Variants in ABCB10 observed in about 807,000 individuals in gnomAD.
ABCB10 encodes the protein ATP-binding cassette sub-family B member 10, mitochondrial.
ABCB10 carries 54 observed loss-of-function variants against 65.4 expected under a neutral mutation model. That is an observed-to-expected ratio of 0.83 (90% confidence interval 0.66 to 1.04). The LOEUF (loss-of-function observed/expected upper bound fraction) is 1.04, where lower values mean the gene tolerates loss of function less well. ABCB10 is among the 50% of genes least tolerant of loss of function. The pLI, the probability that ABCB10 is intolerant of heterozygous loss-of-function variation, is 0.00. For synonymous variants in ABCB10, 418 were observed against 406.5 expected (o/e 1.03, Z -0.34); for missense variants, 846 against 976.6 (o/e 0.87, Z 1.78).
chr1:229,518,789 G>T, intron 12 of ABCB10, 52 bp downstream of exon 12: 2 of 1,425,004 alleles, frequency 1.4e-6, no homozygotes, highest in South Asian at 2.6e-5. Context: ...TTTGGTGAAG[G>T]AAGAATTTGG....
intron 6 of ABCB10, among the ~76,000 whole-genome samples, chr1:229,536,861 G>A (rs1662732492): frequency 1.3e-5 from 2 of 151,916 alleles, no homozygotes; most frequent in African/African-American, 4.8e-5. Context: ...GGGGGCTGAG[G>A]TGAGAGGACT....
In ABCB10 at chr1:229,542,287, G is replaced by T. The variant is rs765986929; in HGVS notation, c.1006C>A (p.Leu336Ile). ...TGAGTGACTTTGGTCAGTTTCCGTA[G>T]ATATCGCCCATAAATTACAGCAATG... is the stretch of plus-strand genomic sequence containing the variant. Reference protein sequence around the residue: ...SIIAVIYGRYLRKLTKVTQDS... With the variant: ...SIIAVIYGRYIRKLTKVTQDS... The change falls in exon 4 of 13, where the codon CTA becomes ATA. Residue 336 changes from leucine (L) to isoleucine (I), a missense_variant. Coordinates refer to ENST00000344517, the MANE Select transcript of ABCB10 (RefSeq NM_012089.3). 6.2e-7 allele frequency: 1 copy of T among 1,614,086 alleles called. No homozygotes were observed. The highest frequency in any genetic ancestry group is 2.2e-5 in the East Asian group (1 of 44,868).
chr1:229,527,170 CA>C, intron 9 of ABCB10, 58 bp downstream of exon 9: 1 of 1,408,736 alleles, frequency 7.1e-7, no homozygotes, highest in Non-Finnish European at 9.7e-7. Flanking sequence ...AAAAAAAAAG[CA>C]AAAGACAAAA....
At chr1:229,547,776 G>A in intron 2 of ABCB10, 75 bp from the exon 3 acceptor site, 1 of 1,459,564 alleles carries the variant, frequency 6.9e-7, no homozygotes, top group East Asian at 2.3e-5. Flanking sequence ...CACTTACTGT[G>A]CAGCAGCTTG....
chr1:229,527,204 T>C (rs368332976), intron 9 of ABCB10, 25 bp downstream of exon 9: 1 of 1,548,564 alleles, frequency 6.5e-7, no homozygotes, highest in African/African-American at 1.4e-5. Context: ...GAAAGTGAAA[T>C]AGAAATGGAA....
chr1:229,550,871 A>AAAAAG (rs952754513), intron 1 of ABCB10, among the ~76,000 whole-genome samples: 3 of 152,202 alleles, frequency 2.0e-5, no homozygotes, highest in East Asian at 1.9e-4. Context: ...CTCAAAAAAA[A>AAAAAG]AAAAGAAAAG....
chr1:229,546,806 C>A (rs533325221), intron 3 of ABCB10, among the ~76,000 whole-genome samples: 1 of 152,056 alleles, frequency 6.6e-6, no homozygotes, highest in East Asian at 1.9e-4. Context: ...ATCACTTGAG[C>A]CCAGGAGTTT....
intron 3 of ABCB10, among the ~76,000 whole-genome samples, chr1:229,543,772 G>A (rs1452702539): frequency 6.6e-6 from 1 of 152,174 alleles, no homozygotes; most frequent in African/African-American, 2.4e-5. Context: ...AAAGGAGGTT[G>A]GCACCTTCAC....
At chr1:229,538,237 A>C (rs1455466835) in intron 6 of ABCB10, among the ~76,000 whole-genome samples, 1 of 152,346 alleles carries the variant, frequency 6.6e-6, no homozygotes, top group South Asian at 2.1e-4. Context: ...GCAATAGAAC[A>C]ACCACAAACA....
At chr1:229,542,453 G>A in intron 3 of ABCB10, 82 bp from the exon 4 acceptor site, 2 of 1,486,282 alleles carry the variant, frequency 1.3e-6, no homozygotes, top group Non-Finnish European at 1.8e-6. Flanking sequence ...AGGGGAGTGT[G>A]TGTGTGGGTG....
rs4148759 is a variant in ABCB10, at chr1:229,557,730, T to TA, written c.517+405dup. On this transcript the variant is annotated intron_variant, in intron 1 of 12. Coordinates refer to ENST00000344517, the MANE Select transcript of ABCB10 (RefSeq NM_012089.3). ...TTGAAGCAAATAATGTGTTTTTGGTTAAAAAAAAAAAGTATAAACGCCTAA... is the reference window on the plus strand; with the variant it reads ...TTGAAGCAAATAATGTGTTTTTGGTTAAAAAAAAAAAAGTATAAACGCCTAA... 9.2e-3 allele frequency among the ~76,000 whole-genome samples: 1,348 copies of TA among 146,482 alleles called. 8 individuals carry two copies. Among genetic ancestry groups the TA allele is most frequent in the East Asian group, 0.031 (156 of 5,054 alleles).
intron 10 of ABCB10, 48 bp from the exon 11 acceptor site, chr1:229,521,683 A>T (rs1366784648): frequency 5.6e-6 from 9 of 1,600,390 alleles, no homozygotes; most frequent in Non-Finnish European, 7.7e-6. Context: ...AAAAAATCTT[A>T]GTAATAGGCT....
intron 1 of ABCB10, among the ~76,000 whole-genome samples, chr1:229,554,720 G>A (rs1218409979): frequency 2.6e-5 from 4 of 152,120 alleles, no homozygotes; most frequent in African/African-American, 9.7e-5. Flanking sequence ...ATGTATTTCT[G>A]TAGCACACGC....
At position 229,549,338 on chromosome 1, in the gene ABCB10, A is replaced by T. The variant is rs1477323810; in HGVS notation, c.614T>A (p.Val205Glu). 1 of 1,614,152 alleles carries T rather than the reference A, an allele frequency of 6.2e-7. No homozygotes were observed. The highest frequency in any genetic ancestry group is 1.7e-5 in the Admixed American group (1 of 60,012). ...GCGGGTCAGGTTGTCGCTGTAGTCC[A>T]CAGTGGGGTTGGTATAGATGACATC... The part of the protein sequence containing the change: ...IIDVIYTNPT[V>E]DYSDNLTRLC... The change falls in exon 2 of 13, where the codon GTG (valine) becomes GAG (glutamate). Residue 205 changes from valine (V) to glutamate (E), a missense_variant. This residue lies in a region of ABCB10 where 632 missense variants were observed against 803.2 expected (regional missense o/e 0.79). Coordinates refer to ENST00000344517, the MANE Select transcript of ABCB10 (RefSeq NM_012089.3).
intron 5 of ABCB10, among the ~76,000 whole-genome samples, 170 bp downstream of exon 5, chr1:229,540,435 GT>G (rs1662816874): frequency 6.6e-6 from 1 of 152,124 alleles, no homozygotes; most frequent in South Asian, 2.1e-4. Flanking sequence ...ACATTTACTT[GT>G]TTCTTCCTTT....
intron 1 of ABCB10, among the ~76,000 whole-genome samples, chr1:229,552,047 A>G (rs1178623089): frequency 6.6e-6 from 1 of 152,222 alleles, no homozygotes; most frequent in East Asian, 1.9e-4. Flanking sequence ...CTCACATAGT[A>G]ATAATGCTGA....
At chr1:229,543,845 C>G (rs1005513544) in intron 3 of ABCB10, among the ~76,000 whole-genome samples, 1 of 152,144 alleles carries the variant, frequency 6.6e-6, no homozygotes, top group Non-Finnish European at 1.5e-5. Flanking sequence ...ATCAGGACAC[C>G]TGGGGTGAGT....
At position 229,518,862 on chromosome 1, in the gene ABCB10, A is replaced by C. The variant is rs1662236143; in HGVS notation, c.1964T>G (p.Leu655Arg). The change falls in exon 12 of 13, where the codon CTT (leucine) becomes CGT (arginine). Residue 655 changes from leucine (L) to arginine (R), a missense_variant. Coordinates refer to ENST00000344517, the MANE Select transcript of ABCB10 (RefSeq NM_012089.3). ...ARALLKNPKI[L>R]LLDEATSALD... The stretch of plus-strand genomic sequence containing the variant: ...TCACCTGGTTGCTTCATCTAGGAGA[A>C]GAATTTTGGGATTCTGAAGAAGGAA... 6.2e-7 allele frequency: 1 copy of C among 1,602,062 alleles called. No individual in the cohort carries two copies.
At position 229,531,652 on chromosome 1, in the gene ABCB10, G is replaced by T. The variant is rs1425390573; in HGVS notation, c.1419C>A (p.Pro473=). 6.2e-7 allele frequency: 1 copy of T among 1,613,678 alleles called. No individual in the cohort carries two copies. Among genetic ancestry groups the T allele is most frequent in the Non-Finnish European group, 8.5e-7 (1 of 1,179,820 alleles). The part of the protein sequence containing the change: ...GRLWELLERE[P]KLPFNEGVIL... ...CAGACCCACCGTTAAAAGGCAGCTTGGGCTCTCTCTCCAGGAGCTCCCAGA... is the reference window on the plus strand; with the variant it reads ...CAGACCCACCGTTAAAAGGCAGCTTTGGCTCTCTCTCCAGGAGCTCCCAGA... The change falls in exon 7 of 13, where the codon CCC becomes CCA. Residue 473 remains proline, a synonymous_variant. Coordinates refer to ENST00000344517, the MANE Select transcript of ABCB10 (RefSeq NM_012089.3).
Sources: allele counts gnomAD v4.1 joint callset (sites outside exome capture counted in the v4.1 genomes callset), GRCh38; gene constraint gnomAD v4.1.1; regional missense constraint gnomAD v4.1.1; transcripts MANE v1.5; gene names NCBI Gene and HGNC (gene_info 2026-07-23, HGNC 2026-07-21).